The following KIDINS220 variants were observed in gnomAD, a reference collection of about 807,000 sequenced individuals.
The protein encoded by KIDINS220 is kinase D-interacting substrate of 220 kDa.
In KIDINS220, 63 loss-of-function variants were observed where a neutral mutation model predicts 157.6. The ratio of observed to expected loss-of-function variants is 0.40; its 90% confidence interval spans 0.33 to 0.49. KIDINS220 has a LOEUF of 0.49. KIDINS220 is among the 20% of genes least tolerant of loss of function. The pLI is 0.66. For synonymous variants in KIDINS220, 732 were observed against 783.6 expected (o/e 0.93, Z 1.10); for missense variants, 1,772 against 2,171.2 (o/e 0.82, Z 3.65).
intron 6 of KIDINS220, among the ~76,000 whole-genome samples, chr2:8,809,814 G>A (rs931700137): frequency 1.3e-5 from 2 of 151,856 alleles, no homozygotes; most frequent in Admixed American, 6.6e-5. Flanking sequence ...CAATCCCACC[G>A]TGTACTATTA....
chr2:8,726,965 A>C (rs1208795844), downstream of KIDINS220: 2 of 1,264,888 alleles, frequency 1.6e-6, no homozygotes, highest in Non-Finnish European at 2.1e-6. Context: ...AGGGTTTAAA[A>C]TTATGTAAGA....
rs1377745001 is a variant in KIDINS220 at position 8,785,847 on chromosome 2, C to A, written c.2123G>T (p.Cys708Phe). Residue 708 changes from cysteine to phenylalanine, a missense_variant, in exon 17 of 30, where the codon TGT becomes TTT. Cys to Phe is a radical substitution (Grantham distance 205). Around this residue, in one of 3 missense-constraint regions of KIDINS220, gnomAD observed 725 missense variants for 1,017.1 expected, o/e 0.71. Transcript: ENST00000256707. ...SVVGLAFVLN[C>F]RTWWQVLDSL... ...GTCCAGCACTTGCCACCATGTACGA[C>A]AGTTCAACACAAAGGCCAATCCCAC... The A allele has an allele frequency of 1.2e-6, 2 of 1,614,162 alleles. No individual in the cohort carries two copies. The highest frequency in any genetic ancestry group is 1.1e-5 in the South Asian group (1 of 91,082).
chr2:8,797,254 T>C (rs1231019353), intron 10 of KIDINS220, among the ~76,000 whole-genome samples: 2 of 152,026 alleles, frequency 1.3e-5, no homozygotes, highest in Non-Finnish European at 2.9e-5. Flanking sequence ...GTGTCCAGAG[T>C]TTTTCAGAAA....
chr2:8,805,863 T>C (rs866778747), intron 7 of KIDINS220, among the ~76,000 whole-genome samples: 2 of 152,192 alleles, frequency 1.3e-5, no homozygotes, highest in Non-Finnish European at 2.9e-5. Flanking sequence ...GGCCATACCA[T>C]AGAGCCTAGG....
chr2:8,824,619 G>A (rs1350134121), intron 2 of KIDINS220, among the ~76,000 whole-genome samples: 1 of 152,186 alleles, frequency 6.6e-6, no homozygotes, highest in Non-Finnish European at 1.5e-5. Context: ...GGTCGAGGCT[G>A]CAGTGATCCC....
chr2:8,806,390 T>C (rs1036052569), intron 6 of KIDINS220, 21 bp from the exon 7 acceptor site: 3 of 1,438,484 alleles, frequency 2.1e-6, no homozygotes, highest in South Asian at 2.7e-5. Context: ...AAACAATAAA[T>C]TTAAAATTAT....
rs370433056 is a variant in KIDINS220 at position 8,765,924 on chromosome 2, T to C, written c.3011+4746A>G. Among the ~76,000 whole-genome samples, 4 of 152,238 alleles carry C rather than the reference T, an allele frequency of 2.6e-5. No individual in the cohort carries two copies. The East Asian group carries it at 7.7e-4, about 29-fold the overall frequency. ...AGCCAATTACTTTCTGAACTTTTCA[T>C]TTACCTTAATTTTTCCACCCAGGTT... On this transcript the variant is annotated intron_variant, in intron 22 of 29. Coordinates refer to ENST00000256707, the MANE Select transcript of KIDINS220 (RefSeq NM_020738.4).
At chr2:8,835,692 G>C (rs1558517675) in intron 1 of KIDINS220, among the ~76,000 whole-genome samples, 2 of 150,666 alleles carry the variant, frequency 1.3e-5, no homozygotes, top group Admixed American at 6.6e-5. Flanking sequence ...AGTTGCCCCA[G>C]GGAGATGTAG....
intron 22 of KIDINS220, among the ~76,000 whole-genome samples, chr2:8,767,673 C>A (rs1460723880): frequency 2.0e-5 from 3 of 152,008 alleles, no homozygotes; most frequent in Non-Finnish European, 4.4e-5. Flanking sequence ...TTAGTGAGAG[C>A]TACAAGAGGT....
At chr2:8,813,386 G>A (rs753148527) in intron 4 of KIDINS220, 51 bp from the exon 5 acceptor site, 3 of 1,244,228 alleles carry the variant, frequency 2.4e-6, no homozygotes, top group South Asian at 2.6e-5. Context: ...TCATCTCTGA[G>A]TATAAAAAAT....
chr2:8,768,194 A>G (rs1215459408), intron 22 of KIDINS220, among the ~76,000 whole-genome samples: 2 of 152,138 alleles, frequency 1.3e-5, no homozygotes, highest in Non-Finnish European at 2.9e-5. Flanking sequence ...AATAAAAACT[A>G]GACAAAAAAT....
At chr2:8,748,537 AT>A (rs910811167) in intron 24 of KIDINS220, among the ~76,000 whole-genome samples, 2 of 152,162 alleles carry the variant, frequency 1.3e-5, no homozygotes, top group South Asian at 2.1e-4. Flanking sequence ...AAGCAAGCAT[AT>A]TTTTTTTAAA....
chr2:8,795,222 C>T (rs1327490939), intron 11 of KIDINS220, among the ~76,000 whole-genome samples: 2 of 152,190 alleles, frequency 1.3e-5, no homozygotes, highest in African/African-American at 2.4e-5. Context: ...TACTAGATTT[C>T]CCAATGTCTA....
chr2:8,798,323 A>G, intron 9 of KIDINS220, 23 bp from the exon 10 acceptor site: 4 of 1,269,702 alleles, frequency 3.2e-6, no homozygotes, highest in African/African-American at 2.9e-5. Flanking sequence ...AAAAAACACA[A>G]TCACTTCATG....
Position 8,770,809 on chromosome 2 carries a change from T to A in KIDINS220, c.2872A>T (p.Ile958Phe). ...GCAAGCCTGTCCCAGTTGAAACTAATCTGATTGGCTCTCAGTAATCGTCCT... is the reference window on the plus strand; with the variant it reads ...GCAAGCCTGTCCCAGTTGAAACTAAACTGATTGGCTCTCAGTAATCGTCCT... ...VTGRLLRANQ[I>F]SFNWDRLASW... Residue 958 changes from isoleucine to phenylalanine, a missense_variant, in exon 22 of 30, where the codon ATT becomes TTT. Ile to Phe is a conservative substitution (Grantham distance 21). Transcript: ENST00000256707. 6.2e-7 allele frequency: 1 copy of A among 1,605,514 alleles called. No homozygotes were observed. The highest frequency in any genetic ancestry group is 8.5e-7 in the Non-Finnish European group (1 of 1,176,440).
chr2:8,759,510 T>G lies in KIDINS220; in HGVS notation c.3012-7866A>C, dbSNP rs114271284. On this transcript the variant is annotated intron_variant, in intron 22 of 29. Transcript: ENST00000256707. ...TAATTTAAAGGATTAAAAAAACCCT[T>G]AAACTCAGTAGAATGTCATCATATA... Among the ~76,000 whole-genome samples the G allele has an allele frequency of 6.6e-3, 992 of 150,538 alleles. 19 individuals are homozygous for G. Among genetic ancestry groups the G allele is most frequent in the African/African-American group, 0.023 (941 of 40,794 alleles).
At chr2:8,801,039 A>G (rs1674621165) in intron 8 of KIDINS220, among the ~76,000 whole-genome samples, 1 of 152,332 alleles carries the variant, frequency 6.6e-6, no homozygotes, top group Middle Eastern at 3.4e-3. Flanking sequence ...CCAGTAGTAC[A>G]TTAAGACTGA....
At chr2:8,800,180 C>T (rs1674496849) in intron 9 of KIDINS220, 2 of 439,288 alleles carry the variant, frequency 4.6e-6, no homozygotes, top group Non-Finnish European at 4.0e-6. Context: ...ATTCTAAAAA[C>T]ATGAGCTTTT....
intron 23 of KIDINS220, 67 bp downstream of exon 23, chr2:8,751,399 A>G: frequency 2.2e-6 from 3 of 1,360,656 alleles, no homozygotes; most frequent in South Asian, 1.3e-5. Flanking sequence ...ATGTACACAA[A>G]TAAGTTAGAA....
Sources: gnomAD v4.1 joint callset for allele counts (sites outside exome capture counted in the v4.1 genomes callset) on GRCh38, gnomAD v4.1.1 for gene constraint, gnomAD v4.1.1 regional missense constraint, MANE v1.5 for transcripts, NCBI Gene and HGNC (gene_info 2026-07-23, HGNC 2026-07-21) for gene names.